The following ZNF839 variants were observed in gnomAD, a reference collection of about 807,000 sequenced individuals.
ZNF839 encodes zinc finger protein 839.
ZNF839 carries 38 observed loss-of-function variants against 56.4 expected under a neutral mutation model. That is an observed-to-expected ratio of 0.67 (90% CI 0.52 to 0.88). The LOEUF (loss-of-function observed/expected upper bound fraction) is 0.88. Ranked by LOEUF, ZNF839 falls within the 40% of genes least tolerant of loss-of-function variation. ZNF839 has a pLI of 0.00. For missense variants in ZNF839, 1,091 were observed against 1,177.6 expected (o/e 0.93, Z 1.08); for synonymous variants, 486 against 493.5 (o/e 0.98, Z 0.20).
chr14:102,317,744 G>A (rs966252428), upstream of ZNF839: 4 of 152,156 alleles, frequency 2.6e-5, no homozygotes, highest in African/African-American at 9.7e-5. Flanking sequence ...AGGCATTCAG[G>A]TTGTGGAAGC....
rs528525050 is a variant in ZNF839 at position 102,336,742 on chromosome 14, T to G, written c.1659+904T>G. The G allele has an allele frequency of 3.3e-3, 1,127 of 345,052 alleles. 7 individuals carry two copies. The highest frequency in any genetic ancestry group is 4.1e-3 in the Non-Finnish European group (732 of 176,888). 21.4% of individuals were successfully genotyped at this position (345,052 alleles called of 1,614,324 possible). A position where few individuals can be genotyped will look rare whatever the true frequency, so the allele number is the denominator to read the frequency against. ...CAGGTATCATTTTCTTCTTTTTTTT[T>G]TTTTGTTTTGAAACAGGGTTTCCCT... On this transcript the variant is annotated intron_variant, in intron 5 of 7. Transcript: ENST00000442396.
rs749036279 is a variant in ZNF839, at chr14:102,326,240, C to T, written c.544C>T (p.Leu182=). 2.5e-5 allele frequency: 41 copies of T among 1,613,836 alleles called. No individual in the cohort carries two copies. The highest frequency in any genetic ancestry group is 1.6e-4 in the Middle Eastern group (1 of 6,084). The change falls in exon 2 of 8, where the codon CTG becomes TTG. Residue 182 remains leucine (L), a synonymous_variant. Coordinates refer to ENST00000442396, the MANE Select transcript of ZNF839 (RefSeq NM_018335.6). The surrounding 1 kb of genome is among the most constrained non-coding windows in gnomAD (Gnocchi z 4.3). ...PPAQGFVQRP[L]PALQVVPAKR... is the part of the protein sequence containing the mutation. ...TGCTCAGGGGTTTGTACAGAGACCA[C>T]TGCCAGCCCTCCAGGTGGTCCCTGC...
At chr14:102,323,384 CATT>C (rs1193848408) in intron 1 of ZNF839, among the ~76,000 whole-genome samples, 1 of 152,226 alleles carries the variant, frequency 6.6e-6, no homozygotes, top group Non-Finnish European at 1.5e-5. Flanking sequence ...GGAAAGTGCT[CATT>C]ATTTCTGCTC....
rs1315682319 is a variant in ZNF839 at position 102,326,394 on chromosome 14, A to G, written c.698A>G (p.His233Arg). 2 of 1,612,874 alleles carry G rather than the reference A, an allele frequency of 1.2e-6. No homozygotes were observed. Among genetic ancestry groups the G allele is most frequent in the Admixed American group, 1.7e-5 (1 of 59,758 alleles). ...SSAHPFISNL[H>R]TRHTEKLKKS... ...GCACATCCATTTATTTCCAACTTGC[A>G]TACAAGACATACTGAGAAACTAAAA... The change falls in exon 2 of 8, where the codon CAT (histidine) becomes CGT (arginine). Residue 233 changes from histidine to arginine, a missense_variant. This residue lies in a region of ZNF839 where 614 missense variants were observed against 629.2 expected (regional missense o/e 0.98). Transcript: ENST00000442396. This position sits in a 1 kb window ranked among gnomAD's most constrained non-coding sequence, Gnocchi z 4.3.
At chr14:102,319,246 C>T (rs2072994615), upstream of ZNF839, 1 of 152,230 alleles carries the variant, frequency 6.6e-6, no homozygotes, top group African/African-American at 2.4e-5. The surrounding 1 kb of genome is among the most constrained non-coding windows in gnomAD (Gnocchi z 4.5). Flanking sequence ...AAGGTGCACC[C>T]AATCTGGGTG....
intron 1 of ZNF839, among the ~76,000 whole-genome samples, chr14:102,320,326 G>T (rs1273374498): frequency 1.3e-5 from 2 of 152,206 alleles, no homozygotes; most frequent in Non-Finnish European, 2.9e-5. Context: ...CCTGCTGGGG[G>T]CTTTTGCGTG....
intron 4 of ZNF839, 142 bp downstream of exon 4, chr14:102,334,788 G>A (rs1366575209): frequency 8.3e-6 from 3 of 361,684 alleles, no homozygotes; most frequent in Middle Eastern, 9.7e-4. Context: ...CTGTCGCCCA[G>A]CTAGAGTGCA....
chr14:102,321,944 A>C (rs1244649809), intron 1 of ZNF839, among the ~76,000 whole-genome samples: 1 of 152,096 alleles, frequency 6.6e-6, no homozygotes, highest in Non-Finnish European at 1.5e-5. Flanking sequence ...ACCAATGGAC[A>C]CACTTGGGTC....
At chr14:102,327,512 C>T (rs72635189) in intron 2 of ZNF839, among the ~76,000 whole-genome samples, 28,048 of 152,100 alleles carry the variant, frequency 0.18, 3,778 homozygotes, top group African/African-American at 0.36. Context: ...CATGAGGGTT[C>T]TGCCCCCATG....
chr14:102,342,313 A>C lies in ZNF839; in HGVS notation c.*134A>C. 1 of 1,133,510 alleles carries C rather than the reference A, an allele frequency of 8.8e-7. No individual in the cohort carries two copies. Among genetic ancestry groups the C allele is most frequent in the Non-Finnish European group, 1.2e-6 (1 of 802,762 alleles). The allele number at this position is 1,133,510 out of a possible 1,614,324, so 70.2% of individuals were successfully genotyped here. On this transcript the variant is annotated 3_prime_UTR_variant, in exon 8 of 8. Transcript: ENST00000442396. Reference sequence around the variant, plus strand: ...TATGGCAAGCAATGTATATTTTTCTAATGTGAATATTGCACAGATGAACCT... The same window carrying C: ...TATGGCAAGCAATGTATATTTTTCTCATGTGAATATTGCACAGATGAACCT...
rs1409396296 is a variant in ZNF839 at position 102,330,665 on chromosome 14, GCAC to G, written c.1192-954_1192-952del. On this transcript the variant is annotated intron_variant, in intron 2 of 7. Transcript: ENST00000442396. Reference sequence around the variant, plus strand: ...TTCTTCTGCCTCAGCCTTCAGGTGTGCACCATCACACCTGGCCAATTTTTGTAA... The same window carrying G: ...TTCTTCTGCCTCAGCCTTCAGGTGTGCATCACACCTGGCCAATTTTTGTAA... Among the ~76,000 whole-genome samples the G allele has an allele frequency of 1.1e-4, 16 of 151,294 alleles. 1 individual carries two copies. Among genetic ancestry groups the G allele is most frequent in the Admixed American group, 4.0e-4 (6 of 15,116 alleles).
intron 2 of ZNF839, among the ~76,000 whole-genome samples, chr14:102,327,093 C>T (rs766130279): frequency 4.0e-5 from 6 of 151,880 alleles, no homozygotes; most frequent in Non-Finnish European, 8.8e-5. Flanking sequence ...TGGGAGCAGG[C>T]GCCTCATATG....
chr14:102,335,604 C>A, intron 4 of ZNF839, 85 bp from the exon 5 acceptor site: 1 of 1,420,690 alleles, frequency 7.0e-7, no homozygotes, highest in Non-Finnish European at 9.3e-7. Flanking sequence ...GTTAAGGAAC[C>A]GAAACTTTGT....
chr14:102,323,839 T>G (rs2073260306), intron 1 of ZNF839, among the ~76,000 whole-genome samples: 1 of 152,110 alleles, frequency 6.6e-6, no homozygotes, highest in African/African-American at 2.4e-5. Flanking sequence ...TGTCCATCAA[T>G]AGGAGACTGG....
At position 102,326,513 on chromosome 14, in the gene ZNF839, G is replaced by A. The variant is rs765155686; in HGVS notation, c.817G>A (p.Ala273Thr). The change falls in exon 2 of 8, where the codon GCG becomes ACG. Residue 273 changes from alanine (A) to threonine (T), a missense_variant. This residue lies in a region of ZNF839 where 614 missense variants were observed against 629.2 expected (regional missense o/e 0.98). Coordinates refer to ENST00000442396, the MANE Select transcript of ZNF839 (RefSeq NM_018335.6). The surrounding 1 kb of genome is among the most constrained non-coding windows in gnomAD (Gnocchi z 4.3). ...TAAGTTCATAAAAACAGAGGATCTGGCGGATGGTCATCTGTCAGATTCTGA... is the reference window on the plus strand; with the variant it reads ...TAAGTTCATAAAAACAGAGGATCTGACGGATGGTCATCTGTCAGATTCTGA... ...DYKFIKTEDLADGHLSDSDDY... is the reference protein window; with the variant it reads ...DYKFIKTEDLTDGHLSDSDDY... 1 of 1,614,028 alleles carries A rather than the reference G, an allele frequency of 6.2e-7. No individual in the cohort carries two copies. The highest frequency in any genetic ancestry group is 2.2e-5 in the East Asian group (1 of 44,886).
chr14:102,341,820 G>T lies in ZNF839; in HGVS notation c.2425G>T (p.Val809Leu). The part of the protein sequence containing the change: ...PLEKILSVDS[V>L]AVDCAYRTVP... ...TGAGAAAATTTTGTCTGTGGATAGC[G>T]TGGCAGTGGACTGTGCCTACAGGAC... is the stretch of plus-strand genomic sequence containing the variant. The change falls in exon 8 of 8, where the codon GTG (valine) becomes TTG (leucine). Residue 809 changes from valine to leucine, a missense_variant. Transcript: ENST00000442396. 1 of 1,613,988 alleles carries T rather than the reference G, an allele frequency of 6.2e-7. No individual in the cohort carries two copies. The highest frequency in any genetic ancestry group is 8.5e-7 in the Non-Finnish European group (1 of 1,179,902).
intron 3 of ZNF839, 95 bp downstream of exon 3, chr14:102,331,941 G>A: frequency 9.9e-7 from 1 of 1,014,242 alleles, no homozygotes; most frequent in South Asian, 1.6e-5. Flanking sequence ...CAGTTCACCT[G>A]AAATGTCATT....
In ZNF839 at chr14:102,331,716, G is replaced by T; in HGVS notation, c.1286G>T (p.Arg429Leu). The change falls in exon 3 of 8, where the codon CGC becomes CTC. Residue 429 changes from arginine to leucine, a missense_variant. Physicochemically the swap from Arg to Leu is moderately radical, Grantham distance 102. Around this residue, in one of 3 missense-constraint regions of ZNF839, gnomAD observed 614 missense variants for 629.2 expected, o/e 0.98. Coordinates refer to ENST00000442396, the MANE Select transcript of ZNF839 (RefSeq NM_018335.6). Reference sequence around the variant, plus strand: ...GAGAGATACCAAGGACCTAGAAGACGCGCATGCTCAGAGACCCTTGCAGAG... The same window carrying T: ...GAGAGATACCAAGGACCTAGAAGACTCGCATGCTCAGAGACCCTTGCAGAG... Reference protein sequence around the residue: ...RSERYQGPRRRACSETLAESR... With the variant: ...RSERYQGPRRLACSETLAESR... 6.2e-7 allele frequency: 1 copy of T among 1,609,968 alleles called. No individual in the cohort carries two copies. Among genetic ancestry groups the T allele is most frequent in the Non-Finnish European group, 8.5e-7 (1 of 1,178,036 alleles).
chr14:102,326,671 G>C lies in ZNF839; in HGVS notation c.975G>C (p.Lys325Asn), dbSNP rs2073425680. ...CTTGTGAAAAGTCATATATAGGGAA[G>C]GGGGGACTGGCCCGACATTTTAAAC... Reference protein sequence around the residue: ...CQTCEKSYIGKGGLARHFKLN... With the variant: ...CQTCEKSYIGNGGLARHFKLN... The change falls in exon 2 of 8, where the codon AAG becomes AAC. Residue 325 changes from lysine (K) to asparagine (N), a missense_variant. Physicochemically the swap from Lys to Asn is moderately conservative, Grantham distance 94. Around this residue, in one of 3 missense-constraint regions of ZNF839, gnomAD observed 614 missense variants for 629.2 expected, o/e 0.98. Transcript: ENST00000442396. The surrounding 1 kb of genome is among the most constrained non-coding windows in gnomAD (Gnocchi z 4.3). 6.2e-7 allele frequency: 1 copy of C among 1,612,390 alleles called. No homozygotes were observed. The highest frequency in any genetic ancestry group is 2.2e-5 in the East Asian group (1 of 44,854).
Sources: gnomAD v4.1 joint callset for allele counts (sites outside exome capture counted in the v4.1 genomes callset) on GRCh38, gnomAD v4.1.1 for gene constraint, gnomAD v4.1.1 regional missense constraint, Gnocchi (gnomAD v3.1) non-coding constraint, MANE v1.5 for transcripts, NCBI Gene and HGNC (gene_info 2026-07-23, HGNC 2026-07-21) for gene names.